ENO4: variants seen among roughly 807,000 people sequenced by gnomAD.
The protein encoded by ENO4 is enolase 4, also known as 2-phospho-D-glycerate hydro-lyase.
A neutral mutation model predicts 63.2 loss-of-function variants in ENO4; 53 were observed. The ratio of observed to expected loss-of-function variants is 0.84; its 90% CI spans 0.67 to 1.05. The LOEUF (loss-of-function observed/expected upper bound fraction) is 1.05. Among genes scored for constraint, ENO4 ranks in the 50% least tolerant of loss-of-function variants. The pLI, the probability that ENO4 is intolerant of heterozygous loss-of-function variation, is 0.00. For missense variants in ENO4, 719 were observed against 772.0 expected (o/e 0.93, Z 0.81); for synonymous variants, 266 against 283.8 (o/e 0.94, Z 0.63).
chr10:116,856,687 A>G lies in ENO4; in HGVS notation c.485+5A>G. The G allele has an allele frequency of 1.3e-6, 2 of 1,511,720 alleles. No homozygotes were observed. Among genetic ancestry groups the G allele is most frequent in the Non-Finnish European group, 8.8e-7 (1 of 1,134,452 alleles). The allele number at this position is 1,511,720 out of a possible 1,614,324, so 93.6% of individuals were successfully genotyped here. On this transcript the variant is annotated splice_donor_5th_base_variant and intron_variant, in intron 3 of 13. Coordinates refer to ENST00000341276, the MANE Select transcript of ENO4 (RefSeq NM_001242699.2). ...AGAGGTGGATCACCTACTCAGGTAC[A>G]GTTTCCACTTTGAAATATAAACATC...
At position 116,903,329 on chromosome 10, in the gene ENO4, T is replaced by TA. The variant is rs1179795069; in HGVS notation, c.1195-8169dup. ...AGGCGGATCGCCTGAGGTCAGGAGT[T>TA]AGAGACCAACCTGGCCAACATGGTG... On this transcript the variant is annotated intron_variant, in intron 10 of 10. Transcript: ENST00000369207. Among the ~76,000 whole-genome samples, 9 of 152,110 alleles carry TA rather than the reference T, an allele frequency of 5.9e-5. No homozygotes were observed. In the South Asian group the frequency reaches 1.5e-3, roughly 25 times the overall value.
chr10:116,869,359 T>G (rs1219406526), intron 8 of ENO4, among the ~76,000 whole-genome samples: 3 of 152,202 alleles, frequency 2.0e-5, no homozygotes, highest in African/African-American at 7.2e-5. Flanking sequence ...TTGAAGAGCA[T>G]GCACATGGGT....
At chr10:116,854,940 C>CAAAAAAAAAAAAAA (rs71013620) in intron 1 of ENO4, among the ~76,000 whole-genome samples, 43 of 41,500 alleles carry the variant, frequency 1.0e-3, no homozygotes, top group East Asian at 1.9e-3. Context: ...GACCCTGTCT[C>CAAAAAAAAAAAAAA]AAAAAAAAAA....
chr10:116,888,775 C>T (rs572323555), intron 10 of ENO4, among the ~76,000 whole-genome samples: 1 of 152,300 alleles, frequency 6.6e-6, no homozygotes, highest in African/African-American at 2.4e-5. Flanking sequence ...CTGCCCTACA[C>T]GGACCTTCCG....
intron 10 of ENO4, among the ~76,000 whole-genome samples, chr10:116,909,552 C>T (rs1192499807): frequency 6.6e-6 from 1 of 152,130 alleles, no homozygotes; most frequent in African/African-American, 2.4e-5. Context: ...ACCTCAAAAC[C>T]TTTTGTGACT....
At chr10:116,857,177 G>A (rs78004536) in intron 3 of ENO4, among the ~76,000 whole-genome samples, 268 of 152,210 alleles carry the variant, frequency 1.8e-3, no homozygotes, top group Admixed American at 1.8e-3. Flanking sequence ...ACCTTACTAT[G>A]TAACACTACA....
intron 10 of ENO4, chr10:116,901,887 T>A (rs1216281205): frequency 6.2e-7 from 1 of 1,608,748 alleles, no homozygotes; most frequent in South Asian, 1.1e-5. Context: ...AGGCTGTTTT[T>A]GTTACACTGG....
chr10:116,901,188 T>C lies in ENO4; in HGVS notation c.1195-10311T>C, dbSNP rs11197847. The C allele has an allele frequency of 6.3e-3, 6,193 of 985,404 alleles. 16 individuals are homozygous for C. Among genetic ancestry groups the C allele is most frequent in the Non-Finnish European group, 7.1e-3 (5,931 of 829,904 alleles). The allele number at this position is 985,404 out of a possible 1,614,324, so 61.0% of individuals were successfully genotyped here. A position where few individuals can be genotyped will look rare whatever the true frequency, so the allele number is the denominator to read the frequency against. On this transcript the variant is annotated intron_variant, in intron 10 of 10. Transcript: ENST00000369207. ...AGAGCTGCCATTGTTATAAAACAAA[T>C]TGATCCTCCACTAGATCTGTCTGAA...
At chr10:116,868,948 A>AG (rs1393933999) in intron 8 of ENO4, among the ~76,000 whole-genome samples, 1 of 152,214 alleles carries the variant, frequency 6.6e-6, no homozygotes, top group East Asian at 1.9e-4. Flanking sequence ...TCACAGGGCT[A>AG]GGAAGCATTT....
intron 9 of ENO4, among the ~76,000 whole-genome samples, chr10:116,871,762 T>C (rs1846701381): frequency 6.6e-6 from 1 of 152,224 alleles, no homozygotes; most frequent in South Asian, 2.1e-4. Context: ...GAAGATGTTT[T>C]TGTCCAACTA....
intron 10 of ENO4, among the ~76,000 whole-genome samples, chr10:116,893,566 G>A (rs1164467836): frequency 1.3e-3 from 3 of 2,348 alleles, no homozygotes; most frequent in Admixed American, 0.01. Context: ...TCCCTGATAG[G>A]CACTCATGTG....
Position 116,868,692 on chromosome 10 carries a change from A to G in ENO4, c.1033A>G (p.Ser345Gly), listed in dbSNP as rs1846609406. ...KAETKKGHDG[S>G]KRGQQQITGK... is the part of the protein sequence containing the mutation. ...AGAGACAAAAAAAGGGCACGATGGA[A>G]GCAAAAGAGGTCAAGTAAGTCTATA... Residue 345 changes from serine to glycine, a missense_variant, in exon 8 of 14, where the codon AGC (serine) becomes GGC (glycine). Physicochemically the swap from Ser to Gly is moderately conservative, Grantham distance 56 (BLOSUM62 0). Around this residue, in one of 3 missense-constraint regions of ENO4, gnomAD observed 544 missense variants for 583.6 expected, o/e 0.93. Coordinates refer to ENST00000341276, the MANE Select transcript of ENO4 (RefSeq NM_001242699.2). 2 of 1,550,382 alleles carry G rather than the reference A, an allele frequency of 1.3e-6. No homozygotes were observed. Among genetic ancestry groups the G allele is most frequent in the Non-Finnish European group, 8.7e-7 (1 of 1,146,912 alleles).
At chr10:116,880,402 T>C (rs1846972961) in intron 13 of ENO4, among the ~76,000 whole-genome samples, 1 of 152,220 alleles carries the variant, frequency 6.6e-6, no homozygotes, top group Admixed American at 6.5e-5. Context: ...TTAACATACC[T>C]TGGAAAGATT....
At chr10:116,891,576 T>G (rs948392615) in intron 10 of ENO4, among the ~76,000 whole-genome samples, 5 of 152,230 alleles carry the variant, frequency 3.3e-5, no homozygotes, top group Admixed American at 6.5e-5. Context: ...AGGAAGTTCC[T>G]TTTATATTTT....
At chr10:116,850,662 T>C (rs1290731131) in intron 1 of ENO4, among the ~76,000 whole-genome samples, 1 of 151,994 alleles carries the variant, frequency 6.6e-6, no homozygotes, top group Non-Finnish European at 1.5e-5. Context: ...GCAGTTGATA[T>C]AAAGGATGTT....
chr10:116,852,958 G>T (rs1221004346), intron 1 of ENO4, among the ~76,000 whole-genome samples: 1 of 152,186 alleles, frequency 6.6e-6, no homozygotes. Context: ...CCATGAGCAA[G>T]TTAATGGTTT....
chr10:116,891,864 A>G (rs2133304496), intron 10 of ENO4, among the ~76,000 whole-genome samples: 1 of 152,310 alleles, frequency 6.6e-6, no homozygotes, highest in East Asian at 1.9e-4. Context: ...ACAAAGCTCA[A>G]TTCTTTTTGT....
In ENO4 at chr10:116,849,560, T is replaced by G; in HGVS notation, c.-7T>G. The G allele has an allele frequency of 1.3e-6, 2 of 1,532,572 alleles. No individual in the cohort carries two copies. The highest frequency in any genetic ancestry group is 1.8e-6 in the Non-Finnish European group (2 of 1,138,750). The allele number at this position is 1,532,572 out of a possible 1,614,324, so 94.9% of individuals were successfully genotyped here. On this transcript the variant is annotated 5_prime_UTR_variant, in exon 1 of 14. Coordinates refer to ENST00000341276, the MANE Select transcript of ENO4 (RefSeq NM_001242699.2). ...CTAAACCCCGCTGTAGCCTTAAATC[T>G]CCTACCATGGAGGAAGAAGGCGGCG...
At position 116,879,338 on chromosome 10, in the gene ENO4, G is replaced by C; in HGVS notation, c.1585G>C (p.Asp529His). Residue 529 changes from aspartate to histidine, a missense_variant, in exon 12 of 14, where the codon GAT becomes CAT. Physicochemically the swap from Asp to His is moderately conservative, Grantham distance 81. Coordinates refer to ENST00000341276, the MANE Select transcript of ENO4 (RefSeq NM_001242699.2). ...TGGAAGTACAGAAGGAGAATCATCT[G>C]ATGACAGCCTTGTCGATTTGGTAAG... ...VFGSTEGESS[D>H]DSLVDLAVGL... 3 of 1,550,378 alleles carry C rather than the reference G, an allele frequency of 1.9e-6. No homozygotes were observed. The highest frequency in any genetic ancestry group is 2.6e-6 in the Non-Finnish European group (3 of 1,146,798).
Sources: gnomAD v4.1 joint callset for allele counts (sites outside exome capture counted in the v4.1 genomes callset) on GRCh38, gnomAD v4.1.1 for gene constraint, gnomAD v4.1.1 regional missense constraint, MANE v1.5 for transcripts, NCBI Gene and HGNC (gene_info 2026-07-23, HGNC 2026-07-21) for gene names.